The following ARMH3 variants were observed in gnomAD, a reference collection of about 807,000 sequenced individuals.
The protein encoded by ARMH3 is armadillo like helical domain containing 3, also known as armadillo-like helical domain-containing protein 3.
Under a neutral mutation model 99.1 loss-of-function variants are expected in ARMH3, and 60 were observed. The observed-to-expected ratio is 0.61, with a 90% CI of 0.49 to 0.75. ARMH3 has a LOEUF of 0.75. Ranked by LOEUF, ARMH3 falls within the 30% of genes least tolerant of loss-of-function variation. The pLI, the probability that ARMH3 is intolerant of heterozygous loss-of-function variation, is 0.00. For synonymous variants in ARMH3, 285 were observed against 292.8 expected, an observed-to-expected ratio of 0.97 and a Z score of 0.27; for missense variants, 679 against 843.1, an observed-to-expected ratio of 0.81 and a Z score of 2.41.
intron 24 of ARMH3, among the ~76,000 whole-genome samples, chr10:101,856,422 C>T (rs894945389): frequency 3.9e-5 from 6 of 152,076 alleles, no homozygotes; most frequent in Admixed American, 2.6e-4. Flanking sequence ...AGGCTCGGGG[C>T]GGGGTGCTGA....
In ARMH3 at chr10:101,889,436, G is replaced by A. The variant is rs1197387026; in HGVS notation, c.1836C>T (p.His612=). The change falls in exon 24 of 26, where the codon CAC becomes CAT. Residue 612 remains histidine, a synonymous_variant. Transcript: ENST00000370033. ...CCTGCTCCTCTGACAGTTGGGATAT[G>A]TGATTCACAGCAGCGTAGGACTCAA... The part of the protein sequence containing the change: ...PKIESYAAVN[H]ISQLSEEQVL... 1.2e-6 allele frequency: 2 copies of A among 1,613,954 alleles called. No homozygotes were observed. Among genetic ancestry groups the A allele is most frequent in the African/African-American group, 2.7e-5 (2 of 75,054 alleles).
chr10:101,927,461 C>A (rs1001288865), intron 23 of ARMH3, among the ~76,000 whole-genome samples: 2 of 152,166 alleles, frequency 1.3e-5, no homozygotes, highest in Non-Finnish European at 2.9e-5. Flanking sequence ...ATGTTCTTGG[C>A]AATTTCATCT....
At chr10:102,049,822 G>A (rs979892982) in intron 1 of ARMH3, among the ~76,000 whole-genome samples, 6 of 151,930 alleles carry the variant, frequency 3.9e-5, no homozygotes, top group Non-Finnish European at 7.4e-5. Flanking sequence ...CCCCCAAAGT[G>A]CTAGAATTAC....
intron 6 of ARMH3, 49 bp downstream of exon 6, chr10:102,025,107 G>T: frequency 6.8e-7 from 1 of 1,460,206 alleles, no homozygotes; most frequent in South Asian, 1.1e-5. Flanking sequence ...ATTCAAACAG[G>T]ATTGCCCCTC....
chr10:102,033,195 G>T (rs760210003), intron 3 of ARMH3, 23 bp from the exon 4 acceptor site: 2 of 1,613,984 alleles, frequency 1.2e-6, no homozygotes, highest in Non-Finnish European at 1.7e-6. Flanking sequence ...CAAATAAGGG[G>T]CAGAGTGCAT....
At chr10:101,980,634 A>G (rs1019636014) in intron 19 of ARMH3, among the ~76,000 whole-genome samples, 5 of 152,118 alleles carry the variant, frequency 3.3e-5, no homozygotes, top group African/African-American at 1.2e-4. Flanking sequence ...ATAACCCGAG[A>G]CAAAGAATAT....
At chr10:101,954,217 C>A (rs553862624) in intron 22 of ARMH3, among the ~76,000 whole-genome samples, 62 of 152,120 alleles carry the variant, frequency 4.1e-4, no homozygotes, top group South Asian at 2.3e-3. Flanking sequence ...CAAAAAAAAA[C>A]CTTGTATTCA....
At chr10:102,041,317 C>T (rs1028980261) in intron 1 of ARMH3, among the ~76,000 whole-genome samples, 5 of 151,416 alleles carry the variant, frequency 3.3e-5, no homozygotes, top group Middle Eastern at 3.2e-3. Flanking sequence ...TCATTATTAA[C>T]AAATTTCCTC....
At chr10:101,947,730 G>T (rs1844605554) in intron 22 of ARMH3, among the ~76,000 whole-genome samples, 1 of 151,988 alleles carries the variant, frequency 6.6e-6, no homozygotes, top group East Asian at 1.9e-4. Context: ...AACCGGGGAG[G>T]CAGAGGTTGC....
intron 24 of ARMH3, among the ~76,000 whole-genome samples, chr10:101,876,265 A>C (rs1232938914): frequency 6.6e-6 from 1 of 151,536 alleles, no homozygotes; most frequent in East Asian, 1.9e-4. Context: ...AAAAAAAAAA[A>C]AAACAACTTA....
intron 23 of ARMH3, among the ~76,000 whole-genome samples, chr10:101,918,822 C>T (rs1452339831): frequency 6.6e-6 from 1 of 152,134 alleles, no homozygotes; most frequent in Admixed American, 6.6e-5. Flanking sequence ...TCAAAATTGT[C>T]TAGGAGACAA....
At chr10:101,947,491 C>A (rs1590067613) in intron 22 of ARMH3, among the ~76,000 whole-genome samples, 1 of 151,342 alleles carries the variant, frequency 6.6e-6, no homozygotes, top group East Asian at 1.9e-4. Flanking sequence ...CAGAGCAAGA[C>A]CCCATCTCCT....
chr10:101,990,583 G>A lies in ARMH3; in HGVS notation c.1374C>T (p.His458=), dbSNP rs747926632. 2 of 1,604,038 alleles carry A rather than the reference G, an allele frequency of 1.2e-6. No homozygotes were observed. The highest frequency in any genetic ancestry group is 3.3e-5 in the Admixed American group (2 of 59,968). ...GATCCATAGGAAACTCCTTCATCAT[G>A]TGTGTTACAATAAACTCTACCATCA... is the stretch of plus-strand genomic sequence containing the variant. ...LDLMVEFIVT[H]MMKEFPMDLY... The change falls in exon 19 of 26, where the codon CAC becomes CAT. Residue 458 remains histidine, a synonymous_variant. Transcript: ENST00000370033.
At chr10:102,053,556 G>T (rs2067761840) in intron 1 of ARMH3, among the ~76,000 whole-genome samples, 1 of 151,878 alleles carries the variant, frequency 6.6e-6, no homozygotes, top group South Asian at 2.1e-4. Context: ...TCTTACTTGT[G>T]CAATCTCCTA....
chr10:102,043,260 G>A (rs894489684), intron 1 of ARMH3, among the ~76,000 whole-genome samples: 3 of 152,176 alleles, frequency 2.0e-5, no homozygotes, highest in African/African-American at 7.2e-5. Flanking sequence ...GCAGAACTGA[G>A]ATTAGAACAC....
intron 23 of ARMH3, among the ~76,000 whole-genome samples, chr10:101,931,565 C>A (rs936507065): frequency 6.6e-6 from 1 of 151,440 alleles, no homozygotes; most frequent in Non-Finnish European, 1.5e-5. Flanking sequence ...TGGATATCCA[C>A]GTGCCCAAAA....
At chr10:102,010,637 C>T (rs2066609801) in intron 11 of ARMH3, among the ~76,000 whole-genome samples, 2 of 152,240 alleles carry the variant, frequency 1.3e-5, no homozygotes, top group South Asian at 4.1e-4. Flanking sequence ...GATGCCTACA[C>T]CCACTAAAAA....
intron 23 of ARMH3, among the ~76,000 whole-genome samples, chr10:101,911,943 G>A (rs538148349): frequency 9.2e-5 from 14 of 152,234 alleles, no homozygotes; most frequent in East Asian, 3.9e-4. Context: ...TGAAGCAGGA[G>A]AATCACTTGA....
intron 2 of ARMH3, among the ~76,000 whole-genome samples, chr10:102,035,295 G>C (rs2067226246): frequency 6.6e-6 from 1 of 152,168 alleles, no homozygotes; most frequent in Admixed American, 6.5e-5. Context: ...AACCCGGGAG[G>C]TGGAGGTTGC....
Sources: gnomAD v4.1 joint callset for allele counts (sites outside exome capture counted in the v4.1 genomes callset) on GRCh38, gnomAD v4.1.1 for gene constraint, MANE v1.5 for transcripts, NCBI Gene and HGNC (gene_info 2026-07-23, HGNC 2026-07-21) for gene names.